TASP1: variants seen among roughly 807,000 people sequenced by gnomAD.
TASP1 encodes taspase 1, also known as threonine aspartase 1.
In TASP1, 16 loss-of-function variants were observed where a neutral mutation model predicts 56.6. The ratio of observed to expected loss-of-function variants is 0.28; its 90% confidence interval spans 0.19 to 0.43. The LOEUF (loss-of-function observed/expected upper bound fraction) is 0.43, where lower values mean the gene tolerates loss of function less well. Among genes scored for constraint, TASP1 ranks in the 20% least tolerant of loss-of-function variants. The probability of loss-of-function intolerance (pLI) is 1.00; values close to 1 mark genes in which losing one functional copy is unlikely to be tolerated. For synonymous variants in TASP1, 179 were observed against 184.2 expected, an observed-to-expected ratio of 0.97 and a Z score of 0.23; for missense variants, 393 against 511.6, an observed-to-expected ratio of 0.77 and a Z score of 2.24.
chr20:13,528,073 A>G (rs554906220), intron 10 of TASP1, among the ~76,000 whole-genome samples: 12 of 151,852 alleles, frequency 7.9e-5, no homozygotes, highest in Admixed American at 7.9e-4. Flanking sequence ...AATACAAAAA[A>G]TCAGCCGGGT....
chr20:13,497,487 A>T (rs535181003), intron 10 of TASP1, among the ~76,000 whole-genome samples: 25 of 152,208 alleles, frequency 1.6e-4, no homozygotes, highest in Non-Finnish European at 2.9e-4. Flanking sequence ...AAAAGACAGA[A>T]GGCAAGAGAA....
At chr20:13,221,791 G>C in the TASP1 span, 1 of 1,452,110 alleles carries the variant, frequency 6.9e-7, no homozygotes, top group African/African-American at 1.5e-5. Flanking sequence ...TGCGCCTGGC[G>C]GCCGAGCTGC....
At chr20:13,224,151 G>GTAAT in the TASP1 span, among the ~76,000 whole-genome samples, 3 of 152,116 alleles carry the variant, frequency 2.0e-5, no homozygotes, top group Non-Finnish European at 4.4e-5. Flanking sequence ...AGCTTATCTT[G>GTAAT]TAATAGTGTT....
At chr20:13,299,129 G>A in the TASP1 span, 2 of 1,613,236 alleles carry the variant, frequency 1.2e-6, no homozygotes, top group South Asian at 1.1e-5. The surrounding 1 kb of genome is among the most constrained non-coding windows in gnomAD (Gnocchi z 5.8). Flanking sequence ...GCGGGCCCAA[G>A]GAGAAGCTGG....
intron 11 of TASP1, among the ~76,000 whole-genome samples, chr20:13,467,469 T>C (rs1038110272): frequency 1.3e-5 from 2 of 151,974 alleles, no homozygotes; most frequent in African/African-American, 4.8e-5. Context: ...TAAAGTGTCA[T>C]TGCTTCATAA....
chr20:13,348,743 G>C, the TASP1 span, among the ~76,000 whole-genome samples: 3 of 152,124 alleles, frequency 2.0e-5, no homozygotes, highest in Non-Finnish European at 4.4e-5. Flanking sequence ...ACATGGAACT[G>C]GGGCTTTATT....
intron 7 of TASP1, among the ~76,000 whole-genome samples, chr20:13,563,131 C>T (rs1475110907): frequency 6.6e-6 from 1 of 150,656 alleles, no homozygotes; most frequent in Non-Finnish European, 1.5e-5. Flanking sequence ...TATGTACACA[C>T]ACATATAAAT....
the TASP1 span, chr20:13,270,515 C>T: frequency 5.0e-4 from 809 of 1,612,910 alleles, 4 homozygotes; most frequent in East Asian, 5.6e-3. Flanking sequence ...ATAACCTCAA[C>T]GTGGGAAGTG....
At chr20:13,173,853 G>T in the TASP1 span, among the ~76,000 whole-genome samples, 1 of 152,134 alleles carries the variant, frequency 6.6e-6, no homozygotes, top group African/African-American at 2.4e-5. Context: ...CAACTCTTTG[G>T]TGAAATGCTG....
the TASP1 span, among the ~76,000 whole-genome samples, chr20:13,209,112 A>G: frequency 2.0e-5 from 3 of 152,300 alleles, no homozygotes; most frequent in South Asian, 6.2e-4. Context: ...ATGAAGCCCC[A>G]TGAAGTTGTT....
At chr20:13,343,246 C>G in the TASP1 span, among the ~76,000 whole-genome samples, 1 of 152,190 alleles carries the variant, frequency 6.6e-6, no homozygotes, top group Non-Finnish European at 1.5e-5. Flanking sequence ...TCAGGTAAGT[C>G]TAGAGGCCAG....
At chr20:13,153,200 C>T in the TASP1 span, among the ~76,000 whole-genome samples, 2 of 152,304 alleles carry the variant, frequency 1.3e-5, no homozygotes, top group African/African-American at 2.4e-5. Context: ...AAGCAGGACC[C>T]GAGTAGACAG....
At chr20:13,364,365 A>C in the TASP1 span, among the ~76,000 whole-genome samples, 2 of 152,224 alleles carry the variant, frequency 1.3e-5, no homozygotes, top group Non-Finnish European at 2.9e-5. Flanking sequence ...ATGTCATCTC[A>C]ACTGTCCTGA....
the TASP1 span, among the ~76,000 whole-genome samples, chr20:13,340,597 A>C: frequency 1.3e-5 from 2 of 152,148 alleles, no homozygotes; most frequent in African/African-American, 4.8e-5. Context: ...ACAAGCATAC[A>C]ATGTGTAATT....
the TASP1 span, among the ~76,000 whole-genome samples, chr20:13,129,438 C>G: frequency 6.6e-6 from 1 of 152,236 alleles, no homozygotes; most frequent in Non-Finnish European, 1.5e-5. Flanking sequence ...TCTTCTTAAA[C>G]TTCAAGTGTT....
intron 4 of TASP1, among the ~76,000 whole-genome samples, chr20:13,611,602 T>A (rs2048349546): frequency 6.6e-6 from 1 of 152,244 alleles, no homozygotes; most frequent in Non-Finnish European, 1.5e-5. Context: ...CTCTAGACCA[T>A]TAAATTAATG....
At chr20:13,569,479 G>A in intron 7 of TASP1, 28 bp downstream of exon 7, 1 of 1,585,096 alleles carries the variant, frequency 6.3e-7, no homozygotes, top group Non-Finnish European at 8.6e-7. Flanking sequence ...TGCTCATATA[G>A]CTTAATTTTT....
At chr20:13,534,964 G>A (rs1213774573) in intron 8 of TASP1, among the ~76,000 whole-genome samples, 4 of 152,092 alleles carry the variant, frequency 2.6e-5, no homozygotes, top group Non-Finnish European at 4.4e-5. Context: ...AAAAAGGGGG[G>A]TTACGGTAGG....
intron 1 of TASP1, among the ~76,000 whole-genome samples, chr20:13,638,060 G>C (rs2049374372): frequency 6.6e-6 from 1 of 152,138 alleles, no homozygotes; most frequent in Non-Finnish European, 1.5e-5. Flanking sequence ...AAAATGCTGG[G>C]TTGGCAGAAC....
Sources: gnomAD v4.1 joint callset for allele counts (sites outside exome capture counted in the v4.1 genomes callset) on GRCh38, gnomAD v4.1.1 for gene constraint, Gnocchi (gnomAD v3.1) non-coding constraint, MANE v1.5 for transcripts, NCBI Gene and HGNC (gene_info 2026-07-23, HGNC 2026-07-21) for gene names.